The following TYW1B variants were observed in gnomAD, a reference collection of about 807,000 sequenced individuals.
TYW1B encodes S-adenosyl-L-methionine-dependent tRNA 4-demethylwyosine synthase TYW1B.
A neutral mutation model predicts 86.9 loss-of-function variants in TYW1B; 73 were observed. The observed-to-expected ratio is 0.84, with a 90% CI of 0.70 to 1.02. TYW1B has a LOEUF of 1.02. Ranked by LOEUF, TYW1B falls within the 50% of genes least tolerant of loss-of-function variation. The probability of loss-of-function intolerance (pLI) is 0.00; values close to 1 mark genes in which losing one functional copy is unlikely to be tolerated. For synonymous variants in TYW1B, 248 were observed against 292.8 expected, an observed-to-expected ratio of 0.85 and a Z score of 1.56; for missense variants, 637 against 827.4, an observed-to-expected ratio of 0.77 and a Z score of 2.82.
intron 11 of TYW1B, among the ~76,000 whole-genome samples, chr7:72,690,254 A>C (rs1554450088): frequency 6.6e-6 from 1 of 152,196 alleles, no homozygotes; most frequent in African/African-American, 2.4e-5. Flanking sequence ...ATAAAAGTTT[A>C]CTGCTAAAAG....
chr7:72,809,295 G>A (rs1788557438), intron 4 of TYW1B, among the ~76,000 whole-genome samples: 1 of 151,686 alleles, frequency 6.6e-6, no homozygotes. Flanking sequence ...CGCCTGCCTC[G>A]GCCTCCCAAA....
chr7:72,762,397 C>T (rs782168495), intron 7 of TYW1B, among the ~76,000 whole-genome samples: 2 of 152,054 alleles, frequency 1.3e-5, no homozygotes, highest in African/African-American at 2.4e-5. Context: ...TACCTTTTTG[C>T]TTGGCTGGGG....
chr7:72,749,506 A>C (rs1212896594), intron 7 of TYW1B, among the ~76,000 whole-genome samples: 4 of 152,088 alleles, frequency 2.6e-5, no homozygotes, highest in Non-Finnish European at 4.4e-5. Context: ...ATTAGCCAGG[A>C]TGGTCTCTAT....
At chr7:72,679,254 C>T (rs1248808967) in intron 11 of TYW1B, among the ~76,000 whole-genome samples, 3 of 152,156 alleles carry the variant, frequency 2.0e-5, no homozygotes, top group Non-Finnish European at 4.4e-5. Context: ...ATGTACATAT[C>T]CTATGATCCA....
chr7:72,689,854 T>C (rs1585905028), intron 11 of TYW1B, among the ~76,000 whole-genome samples: 1 of 152,212 alleles, frequency 6.6e-6, no homozygotes, highest in East Asian at 1.9e-4. Context: ...GCACATAATA[T>C]TTTTATAATC....
intron 11 of TYW1B, among the ~76,000 whole-genome samples, chr7:72,662,934 G>A (rs1332178982): frequency 3.3e-5 from 5 of 152,152 alleles, no homozygotes; most frequent in African/African-American, 9.7e-5. Context: ...TAGTTTCAAT[G>A]AGCAAAAGAA....
chr7:72,770,807 C>T (rs1177541262), intron 7 of TYW1B, among the ~76,000 whole-genome samples: 2 of 151,994 alleles, frequency 1.3e-5, no homozygotes, highest in African/African-American at 2.4e-5. Context: ...TATATTCATA[C>T]AATGGCATAC....
At chr7:72,726,475 G>C (rs1787000510) in intron 9 of TYW1B, among the ~76,000 whole-genome samples, 1 of 151,030 alleles carries the variant, frequency 6.6e-6, no homozygotes, top group Admixed American at 6.6e-5. Flanking sequence ...CGATTCTCCT[G>C]CCTCAGCCCC....
rs182321918 is a variant in TYW1B at position 72,803,904 on chromosome 7, G to A, written c.724-1382C>T. ...GCTGGGGTTACAAATGTGAGCCACCGTGCCCAGCTGATAAAGAGATTTTTA... is the reference window on the plus strand; with the variant it reads ...GCTGGGGTTACAAATGTGAGCCACCATGCCCAGCTGATAAAGAGATTTTTA... On this transcript the variant is annotated intron_variant, in intron 5 of 13. Transcript: ENST00000620995. 2.6e-4 allele frequency among the ~76,000 whole-genome samples: 40 copies of A among 151,960 alleles called. 1 individual carries two copies. In the East Asian group the frequency reaches 6.4e-3, roughly 24 times the overall value.
At chr7:72,818,368 G>A (rs530406669) in intron 2 of TYW1B, among the ~76,000 whole-genome samples, 4 of 151,986 alleles carry the variant, frequency 2.6e-5, no homozygotes, top group African/African-American at 9.6e-5. Flanking sequence ...GATCACTTGA[G>A]GTCAGGAGTT....
chr7:72,778,001 C>G (rs1554470915), intron 6 of TYW1B, among the ~76,000 whole-genome samples: 2 of 152,114 alleles, frequency 1.3e-5, no homozygotes, highest in Non-Finnish European at 2.9e-5. Context: ...CCATCCTCTG[C>G]AAAGTGAACA....
chr7:72,781,368 C>T (rs1788046420), intron 6 of TYW1B, among the ~76,000 whole-genome samples: 1 of 152,132 alleles, frequency 6.6e-6, no homozygotes, highest in Non-Finnish European at 1.5e-5. Context: ...TCAAATCACA[C>T]CTCCTGGCGT....
intron 7 of TYW1B, among the ~76,000 whole-genome samples, chr7:72,775,189 T>C (rs1356531464): frequency 6.6e-6 from 1 of 152,054 alleles, no homozygotes; most frequent in Non-Finnish European, 1.5e-5. Context: ...TTCAAGCAGA[T>C]TATTACATAT....
At chr7:72,733,041 C>T (rs1245706002) in intron 8 of TYW1B, among the ~76,000 whole-genome samples, 9 of 151,982 alleles carry the variant, frequency 5.9e-5, no homozygotes, top group Middle Eastern at 3.4e-3. Context: ...CAAGAATAAA[C>T]CAGGAAGAAA....
intron 10 of TYW1B, among the ~76,000 whole-genome samples, chr7:72,713,066 A>G (rs1786701089): frequency 6.6e-6 from 1 of 151,768 alleles, no homozygotes. Flanking sequence ...TCAGAGGCTG[A>G]GGCGGGAGGA....
At chr7:72,715,562 G>A (rs563168054) in intron 9 of TYW1B, among the ~76,000 whole-genome samples, 1 of 151,956 alleles carries the variant, frequency 6.6e-6, no homozygotes, top group Non-Finnish European at 1.5e-5. Context: ...CACATAGAGG[G>A]GAATGACACA....
At chr7:72,814,579 G>A (rs550664424) in intron 3 of TYW1B, among the ~76,000 whole-genome samples, 4 of 150,274 alleles carry the variant, frequency 2.7e-5, no homozygotes, top group South Asian at 2.1e-4. Flanking sequence ...GCGAGACTCC[G>A]TCTCAAAAAA....
chr7:72,679,715 C>T (rs1440652462), intron 11 of TYW1B, among the ~76,000 whole-genome samples: 2 of 151,844 alleles, frequency 1.3e-5, no homozygotes, highest in Non-Finnish European at 2.9e-5. Flanking sequence ...AAAAAATGGT[C>T]AAAAATTAAA....
intron 10 of TYW1B, among the ~76,000 whole-genome samples, chr7:72,699,956 T>A (rs1814422403): frequency 6.6e-6 from 1 of 151,966 alleles, no homozygotes; most frequent in African/African-American, 2.4e-5. Flanking sequence ...GGCCAAATTT[T>A]TCCATTTCTG....
Sources: allele counts gnomAD v4.1 joint callset (sites outside exome capture counted in the v4.1 genomes callset), GRCh38; gene constraint gnomAD v4.1.1; transcripts MANE v1.5; gene names NCBI Gene and HGNC (gene_info 2026-07-23, HGNC 2026-07-21).